AGAP1: variants seen among roughly 807,000 people sequenced by gnomAD.
AGAP1 encodes ArfGAP with GTPase domain, ankyrin repeat and PH domain 1.
A neutral mutation model predicts 105.3 loss-of-function variants in AGAP1; 29 were observed. That is an observed-to-expected ratio of 0.28 (90% CI 0.21 to 0.38). The LOEUF (loss-of-function observed/expected upper bound fraction) is 0.38, where lower values mean the gene tolerates loss of function less well. Among genes scored for constraint, AGAP1 ranks in the 10% least tolerant of loss-of-function variants. The pLI, the probability that AGAP1 is intolerant of heterozygous loss-of-function variation, is 1.00. For missense variants in AGAP1, 998 were observed against 1,165.1 expected, an observed-to-expected ratio of 0.86 and a Z score of 2.09; for synonymous variants, 509 against 485.9, an observed-to-expected ratio of 1.05 and a Z score of -0.63.
At chr2:235,674,836 A>C (rs1948638782) in intron 1 of AGAP1, among the ~76,000 whole-genome samples, 1 of 151,508 alleles carries the variant, frequency 6.6e-6, no homozygotes. Context: ...CTAGAGGCGC[A>C]TGCCACCGCA....
intron 2 of AGAP1, among the ~76,000 whole-genome samples, chr2:235,711,644 C>G (rs1950861671): frequency 6.6e-6 from 1 of 152,202 alleles, no homozygotes; most frequent in African/African-American, 2.4e-5. Flanking sequence ...CAGCTCTGCT[C>G]TAGCCCAAGT....
Position 235,497,807 on chromosome 2 carries a change from G to A in AGAP1, c.163+2958G>A, listed in dbSNP as rs145620958. 6.2e-3 allele frequency among the ~76,000 whole-genome samples: 942 copies of A among 152,148 alleles called. 26 individuals carry two copies. The highest frequency in any genetic ancestry group is 0.052 in the Admixed American group (802 of 15,282). ...GAGACGGGGTTTCATTGTGTTAGCCGGTATGGTCTCCGTCTCCTAACCTCG... is the reference window on the plus strand; with the variant it reads ...GAGACGGGGTTTCATTGTGTTAGCCAGTATGGTCTCCGTCTCCTAACCTCG... On this transcript the variant is annotated intron_variant, in intron 1 of 17. Coordinates refer to ENST00000304032, the MANE Select transcript of AGAP1 (RefSeq NM_001037131.3).
At chr2:235,876,600 C>T (rs1003524698) in intron 9 of AGAP1, among the ~76,000 whole-genome samples, 1 of 152,206 alleles carries the variant, frequency 6.6e-6, no homozygotes, top group African/African-American at 2.4e-5. Flanking sequence ...CTTTTCCCTC[C>T]TGGTCACCAG....
rs2125158456 is a variant in AGAP1 at position 235,931,883 on chromosome 2, G to A, written c.1483+960G>A. Among the ~76,000 whole-genome samples, 1 of 152,214 alleles carries A rather than the reference G, an allele frequency of 6.6e-6. No individual in the cohort carries two copies. The highest frequency in any genetic ancestry group is 1.9e-4 in the East Asian group (1 of 5,138). ...CTCCACACCATAGCGGTGCGGGTCT[G>A]GAAGAGCCTTGTGACTTGGAGCAGA... On this transcript the variant is annotated intron_variant, in intron 12 of 17. Coordinates refer to ENST00000304032, the MANE Select transcript of AGAP1 (RefSeq NM_001037131.3). This position sits in a 1 kb window ranked among gnomAD's most constrained non-coding sequence, Gnocchi z 5.6.
Position 236,076,444 on chromosome 2 carries a change from CA to C in AGAP1, c.2114+27172del, listed in dbSNP as rs529638302. ...TGGGTGACAGAGTGAGACTCCATCTCAAAAAAAAATAAAGTCTTGAGAATGT... is the reference window on the plus strand; with the variant it reads ...TGGGTGACAGAGTGAGACTCCATCTCAAAAAAAATAAAGTCTTGAGAATGT... On this transcript the variant is annotated intron_variant, in intron 16 of 17. Coordinates refer to ENST00000304032, the MANE Select transcript of AGAP1 (RefSeq NM_001037131.3). The surrounding 1 kb of genome is among the most constrained non-coding windows in gnomAD (Gnocchi z 4.4). 1.3e-5 allele frequency among the ~76,000 whole-genome samples: 2 copies of C among 150,294 alleles called. No homozygotes were observed. The highest frequency in any genetic ancestry group is 2.4e-5 in the African/African-American group (1 of 40,898).
chr2:235,816,837 G>C (rs981376102), intron 9 of AGAP1, among the ~76,000 whole-genome samples: 1 of 151,914 alleles, frequency 6.6e-6, no homozygotes, highest in Non-Finnish European at 1.5e-5. Context: ...GTTGCAGTGA[G>C]CCGAGATCAT....
At chr2:235,903,757 G>A (rs1385813752) in intron 10 of AGAP1, among the ~76,000 whole-genome samples, 2 of 152,056 alleles carry the variant, frequency 1.3e-5, no homozygotes, top group Non-Finnish European at 2.9e-5. Flanking sequence ...TTTTTTAGTA[G>A]CCTAATACGG....
chr2:235,989,930 A>G lies in AGAP1; in HGVS notation c.1645+21307A>G, dbSNP rs2055489697. 6.6e-6 allele frequency among the ~76,000 whole-genome samples: 1 copy of G among 152,050 alleles called. No homozygotes were observed. Among genetic ancestry groups the G allele is most frequent in the South Asian group, 2.1e-4 (1 of 4,830 alleles). On this transcript the variant is annotated intron_variant, in intron 13 of 17. Coordinates refer to ENST00000304032, the MANE Select transcript of AGAP1 (RefSeq NM_001037131.3). The surrounding 1 kb of genome is among the most constrained non-coding windows in gnomAD (Gnocchi z 4.4). Reference sequence around the variant, plus strand: ...CCAGTCAGCAATCTGGACAGTTTAGATCATTCAAATGCGTAGCCGGGGTTG... The same window carrying G: ...CCAGTCAGCAATCTGGACAGTTTAGGTCATTCAAATGCGTAGCCGGGGTTG...
At position 235,717,660 on chromosome 2, in the gene AGAP1, G is replaced by T; in HGVS notation, c.310+16G>T. On this transcript the variant is annotated intron_variant, in intron 3 of 17. Coordinates refer to ENST00000304032, the MANE Select transcript of AGAP1 (RefSeq NM_001037131.3). ...TCTCCGGAAGGTATGCTGTTTGGCA[G>T]GCAGTTGCAAACTTAAGAATGTAGT... The T allele has an allele frequency of 1.9e-6, 3 of 1,590,732 alleles. No individual in the cohort carries two copies. Among genetic ancestry groups the T allele is most frequent in the African/African-American group, 1.4e-5 (1 of 73,782 alleles).
At position 235,856,031 on chromosome 2, in the gene AGAP1, G is replaced by A. The variant is rs567953336; in HGVS notation, c.1051-27314G>A. Among the ~76,000 whole-genome samples the A allele has an allele frequency of 7.2e-4, 109 of 151,844 alleles. 1 individual carries two copies. Among genetic ancestry groups the A allele is most frequent in the African/African-American group, 2.5e-3 (102 of 41,366 alleles). ...TGGGTTCAAGTGATTCTCCTACCTC[G>A]GCCTCTCGAGTAGCTGGAACTGCAA... On this transcript the variant is annotated intron_variant, in intron 9 of 17. Coordinates refer to ENST00000304032, the MANE Select transcript of AGAP1 (RefSeq NM_001037131.3).
At chr2:235,554,826 T>C (rs1372102475) in intron 1 of AGAP1, among the ~76,000 whole-genome samples, 1 of 152,118 alleles carries the variant, frequency 6.6e-6, no homozygotes, top group African/African-American at 2.4e-5. Context: ...CCTGCCACCA[T>C]GCCTGACTAA....
At chr2:235,593,487 T>C (rs1017782233) in intron 1 of AGAP1, among the ~76,000 whole-genome samples, 2 of 152,228 alleles carry the variant, frequency 1.3e-5, no homozygotes, top group African/African-American at 4.8e-5. Flanking sequence ...ACATGTTAAA[T>C]GTTTCTGATG....
intron 9 of AGAP1, among the ~76,000 whole-genome samples, chr2:235,832,419 A>G (rs530986887): frequency 6.6e-6 from 1 of 152,356 alleles, no homozygotes; most frequent in East Asian, 1.9e-4. Context: ...ATTAATTTCA[A>G]CAATTTCTAC....
Position 235,846,479 on chromosome 2 carries a change from G to C in AGAP1, c.1051-36866G>C, listed in dbSNP as rs184553567. 6.7e-5 allele frequency among the ~76,000 whole-genome samples: 10 copies of C among 148,168 alleles called. No homozygotes were observed. The East Asian group carries it at 2.1e-3, about 31-fold the overall frequency. On this transcript the variant is annotated intron_variant, in intron 9 of 17. Transcript: ENST00000304032. ...GTAGCTGGGATTACAAGCAGGCACCGTGATGCCTGGCTAATTTTTGGTTTT... is the reference window on the plus strand; with the variant it reads ...GTAGCTGGGATTACAAGCAGGCACCCTGATGCCTGGCTAATTTTTGGTTTT...
intron 1 of AGAP1, among the ~76,000 whole-genome samples, chr2:235,519,218 G>A (rs1417128021): frequency 2.6e-5 from 4 of 151,934 alleles, no homozygotes; most frequent in East Asian, 1.9e-4. Context: ...GACTACAGGC[G>A]CACACCACCA....
intron 16 of AGAP1, chr2:236,049,578 A>G: frequency 3.9e-6 from 1 of 254,222 alleles, no homozygotes; most frequent in Non-Finnish European, 7.6e-6. Context: ...ATACATTTCT[A>G]ATAGGCATAA....
intron 16 of AGAP1, among the ~76,000 whole-genome samples, chr2:236,084,061 C>G (rs10208654): frequency 6.6e-6 from 1 of 152,142 alleles, no homozygotes; most frequent in Admixed American, 6.5e-5. Flanking sequence ...GGAGGATTGG[C>G]GCTCTCTGTT....
At chr2:236,077,635 G>A (rs1164585566) in intron 16 of AGAP1, among the ~76,000 whole-genome samples, 1 of 152,104 alleles carries the variant, frequency 6.6e-6, no homozygotes, top group African/African-American at 2.4e-5. Flanking sequence ...GTCTTTTAAA[G>A]CGTTATTTTT....
In AGAP1 at chr2:235,925,023, G is replaced by A. The variant is rs1269955587; in HGVS notation, c.1325-5742G>A. ...GGTGGGATGTGCTGGTAGCAGCAGG[G>A]AGAGTGGAAGTCAGGGAAGGATGGA... On this transcript the variant is annotated intron_variant, in intron 11 of 17. Transcript: ENST00000304032. Among the ~76,000 whole-genome samples, 12 of 152,324 alleles carry A rather than the reference G, an allele frequency of 7.9e-5. 1 individual carries two copies. The South Asian group carries it at 2.3e-3, about 29-fold the overall frequency.
Sources: gnomAD v4.1 joint callset for allele counts (sites outside exome capture counted in the v4.1 genomes callset) on GRCh38, gnomAD v4.1.1 for gene constraint, Gnocchi (gnomAD v3.1) non-coding constraint, MANE v1.5 for transcripts, NCBI Gene and HGNC (gene_info 2026-07-23, HGNC 2026-07-21) for gene names.